BAZ2B: variants seen among roughly 807,000 people sequenced by gnomAD.
BAZ2B encodes the protein bromodomain adjacent to zinc finger domain 2B.
In BAZ2B, 91 loss-of-function variants were observed where a neutral mutation model predicts 246.0. That is an observed-to-expected ratio of 0.37 (90% CI 0.31 to 0.44). BAZ2B has a LOEUF of 0.44. Ranked by LOEUF, BAZ2B falls within the 20% of genes least tolerant of loss-of-function variation. The pLI is 1.00. For synonymous variants in BAZ2B, 855 were observed against 860.0 expected, an observed-to-expected ratio of 0.99 and a Z score of 0.10; for missense variants, 2,332 against 2,533.7, an observed-to-expected ratio of 0.92 and a Z score of 1.71.
At chr2:159,482,181 A>G (rs1418124918) in intron 2 of BAZ2B, among the ~76,000 whole-genome samples, 1 of 152,050 alleles carries the variant, frequency 6.6e-6, no homozygotes, top group African/African-American at 2.4e-5. Flanking sequence ...CACTAAAAAA[A>G]AAATACATAT....
chr2:159,558,449 G>A (rs561033876), intron 1 of BAZ2B, among the ~76,000 whole-genome samples: 7 of 152,056 alleles, frequency 4.6e-5, no homozygotes, highest in South Asian at 2.1e-4. Context: ...TAGTAGAGAC[G>A]GGGTTTCTCC....
At chr2:159,654,811 C>A in the BAZ2B span, among the ~76,000 whole-genome samples, 1 of 151,862 alleles carries the variant, frequency 6.6e-6, no homozygotes, top group African/African-American at 2.4e-5. Flanking sequence ...CAAAAAAATA[C>A]AAAAATTAGC....
chr2:159,553,770 A>G (rs1335125995), intron 2 of BAZ2B, among the ~76,000 whole-genome samples: 1 of 152,206 alleles, frequency 6.6e-6, no homozygotes, highest in Admixed American at 6.5e-5. Flanking sequence ...ACTACACTTC[A>G]GCTCTGAAAC....
chr2:159,617,472 A>T (rs991064351), upstream of BAZ2B, among the ~76,000 whole-genome samples: 4 of 147,916 alleles, frequency 2.7e-5, no homozygotes, highest in African/African-American at 9.9e-5. Context: ...GAAGATACGT[A>T]TTTTTTTTTT....
intron 6 of BAZ2B, among the ~76,000 whole-genome samples, chr2:159,442,100 A>G (rs912628803): frequency 1.3e-5 from 2 of 152,172 alleles, no homozygotes; most frequent in African/African-American, 4.8e-5. Flanking sequence ...GATAAATACC[A>G]TAAGTAAAAC....
chr2:159,567,170 G>C (rs1682822595), intron 1 of BAZ2B, among the ~76,000 whole-genome samples: 1 of 150,542 alleles, frequency 6.6e-6, no homozygotes, highest in African/African-American at 2.5e-5. Flanking sequence ...TTGAACCCGG[G>C]AAGCAGAGGT....
chr2:159,547,915 T>G (rs2087605809), intron 2 of BAZ2B, among the ~76,000 whole-genome samples: 2 of 152,206 alleles, frequency 1.3e-5, no homozygotes, highest in African/African-American at 4.8e-5. Context: ...CTTATATCTG[T>G]GCAGCATGGT....
At chr2:159,471,202 T>A (rs1193488667) in intron 3 of BAZ2B, among the ~76,000 whole-genome samples, 1 of 152,106 alleles carries the variant, frequency 6.6e-6, no homozygotes, top group Non-Finnish European at 1.5e-5. Flanking sequence ...TTGGGATGTG[T>A]GTGAAAGACA....
chr2:159,627,924 T>A, the BAZ2B span, among the ~76,000 whole-genome samples: 1 of 152,154 alleles, frequency 6.6e-6, no homozygotes, highest in East Asian at 1.9e-4. Context: ...AAAACCCCAT[T>A]GTCTCAGCGC....
At chr2:159,322,579 C>G (rs2062846131) in intron 36 of BAZ2B, among the ~76,000 whole-genome samples, 1 of 152,070 alleles carries the variant, frequency 6.6e-6, no homozygotes, top group Admixed American at 6.5e-5. Context: ...GTTCCTTACC[C>G]TAAGAAAAGG....
Position 159,347,531 on chromosome 2 carries a change from T to C in BAZ2B, c.5409A>G (p.Val1803=). The change falls in exon 31 of 37, where the codon GTA becomes GTG. Residue 1803 remains valine, a synonymous_variant. Coordinates refer to ENST00000392783, the MANE Select transcript of BAZ2B (RefSeq NM_013450.4). ...ATGCAACTCTCCTTTCTAGATCTTC[T>C]ACCTGTTGAAGGACACTCAAATCCA... ...MEMDLSVLQQ[V]EDLERRVASA... The C allele has an allele frequency of 3.1e-6, 5 of 1,613,886 alleles. No individual in the cohort carries two copies. The highest frequency in any genetic ancestry group is 1.1e-5 in the South Asian group (1 of 91,076).
At chr2:159,643,876 C>CTAAA in the BAZ2B span, among the ~76,000 whole-genome samples, 1 of 65,892 alleles carries the variant, frequency 1.5e-5, no homozygotes, top group Non-Finnish European at 2.9e-5. Flanking sequence ...AACTCCATCA[C>CTAAA]AAAAAAAAAA....
At position 159,478,383 on chromosome 2, in the gene BAZ2B, T is replaced by C. The variant is rs545667629; in HGVS notation, c.145+192A>G. On this transcript the variant is annotated intron_variant, in intron 3 of 36. Transcript: ENST00000392783. ...AGATTTAACTCTCAAAGACAATTCCTAGGAAGTATAGAATAACCAGTGCTA... is the reference window on the plus strand; with the variant it reads ...AGATTTAACTCTCAAAGACAATTCCCAGGAAGTATAGAATAACCAGTGCTA... Among the ~76,000 whole-genome samples, 11 of 152,252 alleles carry C rather than the reference T, an allele frequency of 7.2e-5. No homozygotes were observed. In the South Asian group the frequency reaches 1.7e-3, roughly 23 times the overall value.
intron 27 of BAZ2B, among the ~76,000 whole-genome samples, chr2:159,361,344 G>A (rs994167169): frequency 6.6e-6 from 1 of 152,078 alleles, no homozygotes; most frequent in Non-Finnish European, 1.5e-5. Context: ...ACAAACATAT[G>A]AAAAAAAGCT....
In BAZ2B at chr2:159,423,255, G is replaced by T. The variant is rs113395510; in HGVS notation, c.2466+4686C>A. ...GGTGTGAACCTGGGAGGCGGGGCTT[G>T]CAGTGAGCCGAGATGGCACCACTGC... On this transcript the variant is annotated intron_variant, in intron 13 of 36. Coordinates refer to ENST00000392783, the MANE Select transcript of BAZ2B (RefSeq NM_013450.4). Among the ~76,000 whole-genome samples, 397 of 152,216 alleles carry T rather than the reference G, an allele frequency of 2.6e-3. 3 individuals are homozygous for T. The highest frequency in any genetic ancestry group is 8.9e-3 in the African/African-American group (369 of 41,518).
At chr2:159,651,749 A>G in the BAZ2B span, among the ~76,000 whole-genome samples, 1 of 152,130 alleles carries the variant, frequency 6.6e-6, no homozygotes, top group Non-Finnish European at 1.5e-5. Context: ...TCTGAAAAAT[A>G]TGTGGACTTT....
chr2:159,626,001 CAA>C, the BAZ2B span, among the ~76,000 whole-genome samples: 4 of 139,262 alleles, frequency 2.9e-5, no homozygotes, highest in Admixed American at 7.3e-5. Flanking sequence ...AAATGGAAAG[CAA>C]AAAAAAAAAA....
chr2:159,512,759 G>A (rs1444252173), intron 2 of BAZ2B, among the ~76,000 whole-genome samples: 5 of 152,192 alleles, frequency 3.3e-5, no homozygotes, highest in Non-Finnish European at 1.5e-5. Flanking sequence ...GGAACCAGGA[G>A]TAGAGGGAGT....
rs1238897683 is a variant in BAZ2B at position 159,446,802 on chromosome 2, C to T, written c.676G>A (p.Val226Ile). Reference protein sequence around the residue: ...QSKNQPLDARVDKIKDKKPRK... With the variant: ...QSKNQPLDARIDKIKDKKPRK... ...CTTACCTTATCTTTGATTTTGTCAA[C>T]TCTAGCATCCAAAGGCTGGTTTTTG... is the stretch of plus-strand genomic sequence containing the variant. Residue 226 changes from valine to isoleucine, a missense_variant, in exon 6 of 37, where the codon GTT becomes ATT. Val to Ile is a conservative substitution (Grantham distance 29, BLOSUM62 3). This residue lies in a region of BAZ2B where 161 missense variants were observed against 225.8 expected (regional missense o/e 0.71). Transcript: ENST00000392783. The T allele has an allele frequency of 6.2e-7, 1 of 1,609,514 alleles. No homozygotes were observed. Among genetic ancestry groups the T allele is most frequent in the Non-Finnish European group, 8.5e-7 (1 of 1,177,940 alleles).
Sources: allele counts gnomAD v4.1 joint callset (sites outside exome capture counted in the v4.1 genomes callset), GRCh38; gene constraint gnomAD v4.1.1; regional missense constraint gnomAD v4.1.1; transcripts MANE v1.5; gene names NCBI Gene and HGNC (gene_info 2026-07-23, HGNC 2026-07-21).